GMPS: variants seen among roughly 807,000 people sequenced by gnomAD.
GMPS encodes the protein guanosine monophosphate synthase.
GMPS carries 15 observed loss-of-function variants against 77.9 expected under a neutral mutation model. The observed-to-expected ratio is 0.19, with a 90% CI of 0.13 to 0.30. The LOEUF (loss-of-function observed/expected upper bound fraction) is 0.30, where lower values mean the gene tolerates loss of function less well. Ranked by LOEUF, GMPS falls within the 10% of genes least tolerant of loss-of-function variation. The pLI, the probability that GMPS is intolerant of heterozygous loss-of-function variation, is 1.00. For missense variants in GMPS, 590 were observed against 838.8 expected (o/e 0.70, Z 3.66); for synonymous variants, 224 against 275.9 (o/e 0.81, Z 1.86).
intron 7 of GMPS, 63 bp from the exon 8 acceptor site, chr3:155,914,356 C>T (rs1245107226): frequency 2.5e-6 from 3 of 1,201,182 alleles, no homozygotes; most frequent in East Asian, 5.4e-5. Flanking sequence ...TGTATTTTGA[C>T]TTGTTATTTT....
chr3:155,888,209 T>C (rs993960902), intron 1 of GMPS, among the ~76,000 whole-genome samples: 5 of 16,594 alleles, frequency 3.0e-4, no homozygotes, highest in South Asian at 2.3e-3. Flanking sequence ...ACCCAAAGGC[T>C]TTTTTTTTTT....
Position 155,937,801 on chromosome 3 carries a change from C to A in GMPS, c.*109C>A. ...AAGAGTTACTGGAGCAGCTACATCA[C>A]ATCTGAGTTCTCCACAGCAAAAATC... On this transcript the variant is annotated 3_prime_UTR_variant, in exon 16 of 16. Transcript: ENST00000496455. 1.6e-6 allele frequency: 1 copy of A among 628,730 alleles called. No homozygotes were observed. Among genetic ancestry groups the A allele is most frequent in the Non-Finnish European group, 2.8e-6 (1 of 352,186 alleles). The allele number at this position is 628,730 out of a possible 1,614,324, so 38.9% of individuals were successfully genotyped here.
intron 8 of GMPS, 73 bp downstream of exon 8, chr3:155,914,643 C>T (rs1755127465): frequency 1.0e-6 from 1 of 977,470 alleles, no homozygotes; most frequent in Non-Finnish European, 1.5e-6. Context: ...TTCCTTGTCA[C>T]TATATCAAAT....
chr3:155,925,444 G>T (rs1194396496), intron 12 of GMPS, 78 bp downstream of exon 12: 25 of 1,217,772 alleles, frequency 2.1e-5, no homozygotes, highest in Non-Finnish European at 2.7e-5. Context: ...TCACTGTGTT[G>T]CCCAGGCTGG....
Position 155,925,250 on chromosome 3 carries a change from C to G in GMPS, c.1444C>G (p.Leu482Val), listed in dbSNP as rs1755422485. Residue 482 changes from leucine (L) to valine (V), a missense_variant, in exon 12 of 16, where the codon CTA (leucine) becomes GTA (valine). Leu to Val is a conservative substitution (Grantham distance 32). Around this residue, in one of 6 missense-constraint regions of GMPS, gnomAD observed 89 missense variants for 95.9 expected, o/e 0.93. Coordinates refer to ENST00000496455, the MANE Select transcript of GMPS (RefSeq NM_003875.3). ...CTTTGGTTTTTCTCAGCCACATACC[C>G]TATTACAGAGAGTCAAAGCCTGCAC... is the stretch of plus-strand genomic sequence containing the variant. ...FSASVKKPHT[L>V]LQRVKACTTE... 6.2e-7 allele frequency: 1 copy of G among 1,612,844 alleles called. No individual in the cohort carries two copies. Among genetic ancestry groups the G allele is most frequent in the Non-Finnish European group, 8.5e-7 (1 of 1,179,232 alleles).
At chr3:155,883,095 A>G (rs1446654651) in intron 1 of GMPS, among the ~76,000 whole-genome samples, 3 of 152,146 alleles carry the variant, frequency 2.0e-5, no homozygotes, top group African/African-American at 7.2e-5. Context: ...TGTTTGAGAC[A>G]GAGTCTCACT....
chr3:155,903,896 A>C lies in GMPS; in HGVS notation c.358A>C (p.Lys120Gln), dbSNP rs188563169. Residue 120 changes from lysine to glutamine, a missense_variant, in exon 4 of 16, where the codon AAA becomes CAA. This residue lies in a region of GMPS where 136 missense variants were observed against 225.6 expected (regional missense o/e 0.60). Coordinates refer to ENST00000496455, the MANE Select transcript of GMPS (RefSeq NM_003875.3). ...TAAGGTATTTGGAGGTACTGTGCACAAAAAAAGTGTCAGAGAAGATGGAGT... is the reference window on the plus strand; with the variant it reads ...TAAGGTATTTGGAGGTACTGTGCACCAAAAAAGTGTCAGAGAAGATGGAGT... ...MNKVFGGTVH[K>Q]KSVREDGVFN... The C allele has an allele frequency of 3.2e-6, 5 of 1,548,116 alleles. No homozygotes were observed. In the Admixed American group the frequency reaches 7.3e-5, roughly 23 times the overall value.
rs551562711 is a variant in GMPS at position 155,881,935 on chromosome 3, G to A, written c.27+11038G>A. Among the ~76,000 whole-genome samples the A allele has an allele frequency of 4.6e-5, 7 of 152,300 alleles. No homozygotes were observed. In the East Asian group the frequency reaches 1.4e-3, roughly 29 times the overall value. On this transcript the variant is annotated intron_variant, in intron 1 of 15. Coordinates refer to ENST00000496455, the MANE Select transcript of GMPS (RefSeq NM_003875.3). The stretch of plus-strand genomic sequence containing the variant: ...CAGAACATTAGCCAGGCATGGTGGT[G>A]CATGCATGGGTGGTCCCAGCCACCT...
intron 13 of GMPS, 149 bp downstream of exon 13, chr3:155,932,029 TA>T (rs1755636250): frequency 2.2e-6 from 1 of 445,208 alleles, no homozygotes; most frequent in African/African-American, 2.0e-5. Context: ...GTAATTCAAA[TA>T]TGCACATAGG....
At chr3:155,896,729 ATT>A (rs1020255894) in intron 2 of GMPS, among the ~76,000 whole-genome samples, 5,602 of 91,920 alleles carry the variant, frequency 0.061, 131 homozygotes, top group East Asian at 0.2. Context: ...CCTTACTGAG[ATT>A]TTTTTTTTTT....
rs1753883825 is a variant in GMPS at position 155,870,745 on chromosome 3, C to A, written c.-126C>A. 6.2e-6 allele frequency: 4 copies of A among 643,534 alleles called. No individual in the cohort carries two copies. Among genetic ancestry groups the A allele is most frequent in the African/African-American group, 1.9e-5 (1 of 52,178 alleles). 39.9% of individuals were successfully genotyped at this position (643,534 alleles called of 1,614,324 possible). On this transcript the variant is annotated 5_prime_UTR_variant, in exon 1 of 16. Coordinates refer to ENST00000496455, the MANE Select transcript of GMPS (RefSeq NM_003875.3). ...CGCTTTTCTGGCGGCTGGCTCCTCTCCGCTGCCGGCTGCTCCTCGACCAGG... is the reference window on the plus strand; with the variant it reads ...CGCTTTTCTGGCGGCTGGCTCCTCTACGCTGCCGGCTGCTCCTCGACCAGG...
intron 1 of GMPS, among the ~76,000 whole-genome samples, chr3:155,887,806 G>A (rs1250281496): frequency 1.3e-5 from 2 of 150,248 alleles, no homozygotes; most frequent in African/African-American, 4.9e-5. Context: ...GGTGGAAAAA[G>A]TGTATGTAGA....
chr3:155,920,582 A>AAG (rs1755294412), intron 10 of GMPS, among the ~76,000 whole-genome samples: 1 of 148,874 alleles, frequency 6.7e-6, no homozygotes, highest in African/African-American at 2.6e-5. Context: ...CTTAAAAAAA[A>AAG]AAAAAAAGAA....
In GMPS at chr3:155,895,964, C is replaced by T. The variant is rs192085970; in HGVS notation, c.210-1963C>T. 2.8e-3 allele frequency among the ~76,000 whole-genome samples: 422 copies of T among 151,300 alleles called. 2 individuals carry two copies. Among genetic ancestry groups the T allele is most frequent in the Non-Finnish European group, 4.4e-3 (298 of 67,826 alleles). ...ATAGAATCTAGAGGTCTTGATTATT[C>T]AGTATGTGTTTTATAGAATTTTAGC... On this transcript the variant is annotated intron_variant, in intron 2 of 15. Coordinates refer to ENST00000496455, the MANE Select transcript of GMPS (RefSeq NM_003875.3).
At chr3:155,910,923 T>A (rs1366869964) in intron 6 of GMPS, 38 bp downstream of exon 6, 2 of 1,373,840 alleles carry the variant, frequency 1.5e-6, no homozygotes, top group Non-Finnish European at 2.0e-6. Context: ...CAAATTTATA[T>A]CAATAATATT....
chr3:155,898,882 G>A (rs1419396663), intron 3 of GMPS, among the ~76,000 whole-genome samples: 3 of 152,108 alleles, frequency 2.0e-5, no homozygotes, highest in Non-Finnish European at 4.4e-5. Flanking sequence ...GGTATCTGTC[G>A]GGTGTCTCCA....
intron 1 of GMPS, among the ~76,000 whole-genome samples, chr3:155,884,040 AGATTTTAATCTTTATTATATTAATAAT>A (rs1219806457): frequency 1.3e-5 from 2 of 151,494 alleles, no homozygotes; most frequent in Non-Finnish European, 2.9e-5. Flanking sequence ...GCTATAATAA[AGATTTTAATCTTTATTATATTAATAAT>A]ATATTAATAT....
intron 13 of GMPS, 52 bp from the exon 14 acceptor site, chr3:155,934,863 AT>A: frequency 1.7e-6 from 2 of 1,181,056 alleles, no homozygotes; most frequent in Non-Finnish European, 1.3e-6. Context: ...CTAAAATGTA[AT>A]TTCTACATTT....
chr3:155,930,640 C>T (rs540458775), intron 12 of GMPS, among the ~76,000 whole-genome samples: 1 of 152,304 alleles, frequency 6.6e-6, no homozygotes, highest in Non-Finnish European at 1.5e-5. Context: ...CCAGAATCTA[C>T]AGTGAACTCA....
Sources: gnomAD v4.1 joint callset for allele counts (sites outside exome capture counted in the v4.1 genomes callset) on GRCh38, gnomAD v4.1.1 for gene constraint, gnomAD v4.1.1 regional missense constraint, MANE v1.5 for transcripts, NCBI Gene and HGNC (gene_info 2026-07-23, HGNC 2026-07-21) for gene names.